The following DPF3 variants were observed in gnomAD, a reference collection of about 807,000 sequenced individuals.
The protein encoded by DPF3 is zinc finger protein DPF3.
In DPF3, 18 loss-of-function variants were observed where a neutral mutation model predicts 56.8. The observed-to-expected ratio is 0.32, with a 90% confidence interval of 0.22 to 0.47. The LOEUF (loss-of-function observed/expected upper bound fraction) is 0.47. Ranked by LOEUF, DPF3 falls within the 20% of genes least tolerant of loss-of-function variation. The pLI, the probability that DPF3 is intolerant of heterozygous loss-of-function variation, is 1.00. For missense variants in DPF3, 403 were observed against 488.8 expected (o/e 0.82, Z 1.65); for synonymous variants, 188 against 180.2 (o/e 1.04, Z -0.35).
At chr14:72,861,735 A>AAGAGAAAGAAAGAGAGAG (rs1567261059) in intron 1 of DPF3, among the ~76,000 whole-genome samples, 4 of 45,648 alleles carry the variant, frequency 8.8e-5, no homozygotes, top group Non-Finnish European at 1.7e-4. Flanking sequence ...GAAAGAAAGA[A>AAGAGAAAGAAAGAGAGAG]AGAGAAAGAA....
At chr14:72,708,644 C>G (rs1319899221) in intron 6 of DPF3, among the ~76,000 whole-genome samples, 1 of 152,182 alleles carries the variant, frequency 6.6e-6, no homozygotes, top group Non-Finnish European at 1.5e-5. Flanking sequence ...CCCTGCTGCA[C>G]TCAGGTAGGG....
intron 8 of DPF3, among the ~76,000 whole-genome samples, chr14:72,657,066 A>G (rs1029524901): frequency 6.6e-6 from 1 of 152,234 alleles, no homozygotes; most frequent in Non-Finnish European, 1.5e-5. Flanking sequence ...AGAAGTTGGG[A>G]AAGTGTGATT....
At chr14:72,786,480 AT>A (rs2139973981) in intron 1 of DPF3, among the ~76,000 whole-genome samples, 1 of 152,326 alleles carries the variant, frequency 6.6e-6, no homozygotes, top group East Asian at 1.9e-4. Context: ...AGCCATGCCC[AT>A]CCGTTTACAT....
chr14:72,836,730 A>G (rs961825887), intron 1 of DPF3, among the ~76,000 whole-genome samples: 5 of 152,020 alleles, frequency 3.3e-5, no homozygotes, highest in Non-Finnish European at 5.9e-5. Context: ...GGATGAAGAA[A>G]ATCTCTCTCA....
At chr14:72,642,270 G>A (rs1014859666) in intron 8 of DPF3, among the ~76,000 whole-genome samples, 20 of 152,218 alleles carry the variant, frequency 1.3e-4, no homozygotes, top group African/African-American at 4.8e-4. Flanking sequence ...TGCCAAGTTG[G>A]GGGATAATTT....
intron 1 of DPF3, among the ~76,000 whole-genome samples, chr14:72,842,520 G>C (rs1024344301): frequency 6.6e-6 from 1 of 152,230 alleles, no homozygotes. Context: ...GTTAGACTCA[G>C]AATAGTCACC....
At chr14:72,812,500 G>A (rs2140020023) in intron 1 of DPF3, among the ~76,000 whole-genome samples, 1 of 152,256 alleles carries the variant, frequency 6.6e-6, no homozygotes, top group Non-Finnish European at 1.5e-5. Flanking sequence ...CTGGGAAGGA[G>A]GTGGAGGCAG....
chr14:72,643,471 G>C (rs962535304), intron 8 of DPF3, among the ~76,000 whole-genome samples: 4 of 152,234 alleles, frequency 2.6e-5, no homozygotes, highest in African/African-American at 9.6e-5. Flanking sequence ...TTGCTCAGGA[G>C]TGAGCCAGTC....
chr14:72,796,618 G>A lies in DPF3; in HGVS notation c.33-24725C>T, dbSNP rs55742225. Among the ~76,000 whole-genome samples the A allele has an allele frequency of 7.2e-3, 1,101 of 152,282 alleles. 19 individuals carry two copies. Among genetic ancestry groups the A allele is most frequent in the African/African-American group, 0.024 (991 of 41,556 alleles). ...GTTGGATTTCTAGAGCATGTACTAT[G>A]TCTCAGACACTACAATAAACATTGT... On this transcript the variant is annotated intron_variant, in intron 1 of 10. Coordinates refer to ENST00000556509, the MANE Select transcript of DPF3 (RefSeq NM_001280542.3).
chr14:72,758,003 T>C (rs1381862034), intron 2 of DPF3, among the ~76,000 whole-genome samples: 1 of 151,412 alleles, frequency 6.6e-6, no homozygotes, highest in East Asian at 1.9e-4. Context: ...AATAAAATAA[T>C]AGTAGCAAGA....
In DPF3 at chr14:72,776,518, G is replaced by C. The variant is rs543816501; in HGVS notation, c.33-4625C>G. On this transcript the variant is annotated intron_variant, in intron 1 of 10. Transcript: ENST00000556509. ...CTATCTGTGGAGATGGACTCCAGGG[G>C]GCCAAAGAAGACTCAGAATGGGAAA... 1.9e-4 allele frequency among the ~76,000 whole-genome samples: 29 copies of C among 152,210 alleles called. No individual in the cohort carries two copies. In the South Asian group the frequency reaches 5.6e-3, roughly 29 times the overall value.
intron 1 of DPF3, among the ~76,000 whole-genome samples, chr14:72,877,695 A>T (rs556530659): frequency 2.0e-5 from 3 of 152,164 alleles, no homozygotes; most frequent in Non-Finnish European, 2.9e-5. Flanking sequence ...GATGACAAAC[A>T]ATGTCCCCCT....
At chr14:72,814,099 C>T (rs981118137) in intron 1 of DPF3, among the ~76,000 whole-genome samples, 4 of 152,110 alleles carry the variant, frequency 2.6e-5, no homozygotes, top group Non-Finnish European at 5.9e-5. Context: ...AAACTCCAGA[C>T]GGGTACCCTC....
intron 1 of DPF3, chr14:72,835,943 A>T: frequency 1.4e-6 from 1 of 709,742 alleles, no homozygotes; most frequent in Non-Finnish European, 1.7e-6. Context: ...TGACTCTTCG[A>T]CACCTAAAAC....
rs1332018623 is a variant in DPF3 at position 72,749,439 on chromosome 14, T to C, written c.301+3825A>G. On this transcript the variant is annotated intron_variant, in intron 3 of 10. Transcript: ENST00000556509. ...ATAAGCAAAAGGACTTGCCTTGTCT[T>C]GGATGAGACTTTGGACTGTGGACTT... 2.6e-5 allele frequency among the ~76,000 whole-genome samples: 4 copies of C among 152,236 alleles called. 1 individual carries two copies. In the South Asian group the frequency reaches 8.3e-4, roughly 31 times the overall value.
chr14:72,620,040 T>C (rs1357365970), intron 9 of DPF3, 56 bp from the exon 10 acceptor site: 34 of 1,459,496 alleles, frequency 2.3e-5, no homozygotes, highest in African/African-American at 4.2e-5. Context: ...TCGGGGCCAA[T>C]GTCTGGCCCC....
chr14:72,686,237 A>T (rs1189365559), intron 7 of DPF3, among the ~76,000 whole-genome samples: 2 of 152,246 alleles, frequency 1.3e-5, no homozygotes, highest in Admixed American at 6.5e-5. Flanking sequence ...GCAAAGTCCC[A>T]TCACATGGGC....
intron 1 of DPF3, among the ~76,000 whole-genome samples, chr14:72,838,500 A>G (rs564829588): frequency 5.9e-5 from 9 of 152,158 alleles, no homozygotes; most frequent in Admixed American, 3.3e-4. Flanking sequence ...TCTCCAAAAA[A>G]CAGCACCCTG....
intron 2 of DPF3, among the ~76,000 whole-genome samples, chr14:72,755,256 T>C (rs2139905931): frequency 6.6e-6 from 1 of 152,324 alleles, no homozygotes; most frequent in Admixed American, 6.5e-5. Context: ...TCCACACTTG[T>C]CCAGGTCCTA....
Sources: gnomAD v4.1 joint callset for allele counts (sites outside exome capture counted in the v4.1 genomes callset) on GRCh38, gnomAD v4.1.1 for gene constraint, MANE v1.5 for transcripts, NCBI Gene and HGNC (gene_info 2026-07-23, HGNC 2026-07-21) for gene names.